The following CYTH3 variants were observed in gnomAD, a reference collection of about 807,000 sequenced individuals.
CYTH3 encodes cytohesin 3.
Under a neutral mutation model 55.1 loss-of-function variants are expected in CYTH3, and 23 were observed. The ratio of observed to expected loss-of-function variants is 0.42; its 90% confidence interval spans 0.30 to 0.59. The LOEUF (loss-of-function observed/expected upper bound fraction) is 0.59, where lower values mean the gene tolerates loss of function less well. Ranked by LOEUF, CYTH3 falls within the 20% of genes least tolerant of loss-of-function variation. The pLI is 0.20. For synonymous variants in CYTH3, 249 were observed against 194.9 expected, an observed-to-expected ratio of 1.28 and a Z score of -2.31; for missense variants, 413 against 524.8, an observed-to-expected ratio of 0.79 and a Z score of 2.08.
chr7:6,238,234 TTTAA>T (rs1487159736), intron 1 of CYTH3, among the ~76,000 whole-genome samples: 4 of 152,212 alleles, frequency 2.6e-5, no homozygotes, highest in Non-Finnish European at 5.9e-5. Context: ...TCAATATTTT[TTTAA>T]TTGTGAATCT....
At chr7:6,181,209 A>T (rs943100897) in intron 4 of CYTH3, among the ~76,000 whole-genome samples, 3 of 152,204 alleles carry the variant, frequency 2.0e-5, no homozygotes, top group Non-Finnish European at 4.4e-5. Flanking sequence ...AATCTTTTAA[A>T]CAATAAATTT....
chr7:6,188,035 G>A (rs1783699325), intron 2 of CYTH3, among the ~76,000 whole-genome samples: 1 of 152,062 alleles, frequency 6.6e-6, no homozygotes, highest in South Asian at 2.1e-4. Context: ...GCTGTGAAAA[G>A]ATAAAACCAA....
intron 1 of CYTH3, among the ~76,000 whole-genome samples, chr7:6,242,901 G>T (rs942860734): frequency 1.3e-5 from 2 of 152,122 alleles, no homozygotes; most frequent in African/African-American, 4.8e-5. Context: ...CACCAATCGT[G>T]AGGCTGCACA....
chr7:6,168,481 C>T (rs190855138), intron 9 of CYTH3, among the ~76,000 whole-genome samples: 123 of 152,224 alleles, frequency 8.1e-4, no homozygotes, highest in Non-Finnish European at 1.4e-3. Flanking sequence ...GGCCCTGGCT[C>T]GCCAGCCTTT....
chr7:6,186,435 C>G (rs566148074), intron 4 of CYTH3, among the ~76,000 whole-genome samples: 14 of 152,088 alleles, frequency 9.2e-5, no homozygotes, highest in Admixed American at 9.2e-4. Context: ...TCCCTTAGCT[C>G]GGTCTCAAAA....
At chr7:6,181,055 T>G (rs1448497381) in intron 4 of CYTH3, among the ~76,000 whole-genome samples, 2 of 152,248 alleles carry the variant, frequency 1.3e-5, no homozygotes, top group African/African-American at 4.8e-5. Flanking sequence ...AAAATCCTAT[T>G]TCTCTTCAGT....
At chr7:6,252,720 A>G (rs10255947) in intron 1 of CYTH3, among the ~76,000 whole-genome samples, 7,806 of 152,284 alleles carry the variant, frequency 0.051, 454 homozygotes, top group African/African-American at 0.13. Flanking sequence ...GAAGAAAAAG[A>G]TGCATTCCTG....
chr7:6,259,743 AATATATATATATATT>A (rs1780232688), intron 1 of CYTH3, among the ~76,000 whole-genome samples: 6 of 36,164 alleles, frequency 1.7e-4, no homozygotes, highest in South Asian at 1.6e-3. Context: ...ACATATATAT[AATATATATATATATT>A]ATATATATAT....
intron 9 of CYTH3, among the ~76,000 whole-genome samples, chr7:6,166,883 C>T (rs1251128703): frequency 1.3e-5 from 2 of 152,184 alleles, no homozygotes; most frequent in Non-Finnish European, 2.9e-5. Context: ...TCCTCCTCTC[C>T]CCACAGGCCC....
At chr7:6,244,852 A>G (rs141598643) in intron 1 of CYTH3, among the ~76,000 whole-genome samples, 7,185 of 149,998 alleles carry the variant, frequency 0.048, 568 homozygotes, top group African/African-American at 0.17. Flanking sequence ...GCGGTGGTGC[A>G]ATCTCGGCTC....
In CYTH3 at chr7:6,167,262, C is replaced by T. The variant is rs1783037180; in HGVS notation, c.824-1452G>A. ...AGCACACCAGGGAGGCCCAAGTCCA[C>T]AGGGGAGGGCAGGAGACCCTGGGGG... On this transcript the variant is annotated intron_variant, in intron 9 of 12. Transcript: ENST00000350796. This position sits in a 1 kb window ranked among gnomAD's most constrained non-coding sequence, Gnocchi z 5.5. 6.6e-6 allele frequency among the ~76,000 whole-genome samples: 1 copy of T among 152,212 alleles called. No individual in the cohort carries two copies. The highest frequency in any genetic ancestry group is 1.5e-5 in the Non-Finnish European group (1 of 68,030).
rs146487214 is a variant in CYTH3 at position 6,219,063 on chromosome 7, G to A, written c.35-28532C>T. Among the ~76,000 whole-genome samples, 149 of 149,040 alleles carry A rather than the reference G, an allele frequency of 1.0e-3. 4 individuals are homozygous for A. In the East Asian group the frequency reaches 0.023, roughly 23 times the overall value. ...GGACTCAGGAGAAGTGAGGAGCAGA[G>A]TACAGAAAGTCTGTATCATCTTAGA... is the stretch of plus-strand genomic sequence containing the variant. On this transcript the variant is annotated intron_variant, in intron 1 of 12. Transcript: ENST00000350796.
intron 1 of CYTH3, among the ~76,000 whole-genome samples, chr7:6,209,706 A>C (rs1027818903): frequency 6.6e-6 from 1 of 152,206 alleles, no homozygotes; most frequent in South Asian, 2.1e-4. Context: ...AAACTGAAGC[A>C]ACCAAGATGT....
At chr7:6,210,800 C>CT (rs1204107305) in intron 1 of CYTH3, among the ~76,000 whole-genome samples, 1 of 152,190 alleles carries the variant, frequency 6.6e-6, no homozygotes, top group Non-Finnish European at 1.5e-5. Flanking sequence ...GCATCTTTAA[C>CT]TAAGTGTCTT....
chr7:6,239,152 G>A (rs1192164556), intron 1 of CYTH3, among the ~76,000 whole-genome samples: 1 of 152,138 alleles, frequency 6.6e-6, no homozygotes, highest in Non-Finnish European at 1.5e-5. Context: ...GTTGGAGGCT[G>A]CAGTGAGGCT....
chr7:6,227,055 G>C (rs965923268), intron 1 of CYTH3, among the ~76,000 whole-genome samples: 2 of 150,960 alleles, frequency 1.3e-5, no homozygotes, highest in African/African-American at 4.9e-5. Flanking sequence ...ACTCCAGCCT[G>C]GGCAACAGAG....
chr7:6,174,566 CAGA>C (rs1783290521), intron 5 of CYTH3, among the ~76,000 whole-genome samples: 1 of 90,174 alleles, frequency 1.1e-5, no homozygotes, highest in Non-Finnish European at 2.0e-5. Flanking sequence ...TTTTTTTTTC[CAGA>C]CAGAGTCTCG....
Position 6,215,422 on chromosome 7 carries a change from C to G in CYTH3, c.35-24891G>C, listed in dbSNP as rs984949806. Among the ~76,000 whole-genome samples, 74 of 152,150 alleles carry G rather than the reference C, an allele frequency of 4.9e-4. 1 individual carries two copies. The highest frequency in any genetic ancestry group is 1.7e-3 in the African/African-American group (71 of 41,516). ...TGGCTAACACAGTGAAACCCCATCT[C>G]TACTAAAAATACAAAAAATTAGCCG... On this transcript the variant is annotated intron_variant, in intron 1 of 12. Coordinates refer to ENST00000350796, the MANE Select transcript of CYTH3 (RefSeq NM_004227.4).
rs1430762569 is a variant in CYTH3 at position 6,170,863 on chromosome 7, G to A, written c.678C>T (p.Asn226=). The change falls in exon 8 of 13, where the codon AAC becomes AAT. Residue 226 remains asparagine (N), a synonymous_variant. Coordinates refer to ENST00000350796, the MANE Select transcript of CYTH3 (RefSeq NM_004227.4). This position sits in a 1 kb window ranked among gnomAD's most constrained non-coding sequence, Gnocchi z 7.8. ...GCTCCTCAGGGAGGTCCCCGCCCTC[G>A]TTGATGCCGCGGTTCATGGCGATGA... ...ERFIAMNRGI[N]EGGDLPEELL... 1.2e-5 allele frequency: 19 copies of A among 1,613,268 alleles called. No individual in the cohort carries two copies. The highest frequency in any genetic ancestry group is 1.6e-5 in the Non-Finnish European group (19 of 1,179,690).
Sources: gnomAD v4.1 joint callset for allele counts (sites outside exome capture counted in the v4.1 genomes callset) on GRCh38, gnomAD v4.1.1 for gene constraint, Gnocchi (gnomAD v3.1) non-coding constraint, MANE v1.5 for transcripts, NCBI Gene and HGNC (gene_info 2026-07-23, HGNC 2026-07-21) for gene names.